Variants in IGF1R observed in about 807,000 individuals in gnomAD.
IGF1R encodes insulin like growth factor 1 receptor.
Under a neutral mutation model 144.6 loss-of-function variants are expected in IGF1R, and 44 were observed. The observed-to-expected ratio is 0.30, with a 90% CI of 0.24 to 0.39. The LOEUF is 0.39. IGF1R is among the 10% of genes least tolerant of loss of function. The pLI is 1.00. For missense variants in IGF1R, 1,355 were observed against 1,833.7 expected (o/e 0.74, Z 4.77); for synonymous variants, 795 against 722.8 (o/e 1.10, Z -1.60).
At chr15:98,656,221 GC>G (rs1241415612) in intron 1 of IGF1R, among the ~76,000 whole-genome samples, 1 of 152,172 alleles carries the variant, frequency 6.6e-6, no homozygotes, top group East Asian at 1.9e-4. Context: ...TGTGGATGGG[GC>G]CATCACACAC....
At chr15:98,840,375 A>T (rs1033457373) in intron 2 of IGF1R, among the ~76,000 whole-genome samples, 1 of 152,202 alleles carries the variant, frequency 6.6e-6, no homozygotes, top group African/African-American at 2.4e-5. Flanking sequence ...ATCTAAACCA[A>T]TGGGGAACGG....
chr15:98,851,833 C>T (rs1313481371), intron 2 of IGF1R, among the ~76,000 whole-genome samples: 4 of 152,322 alleles, frequency 2.6e-5, no homozygotes, highest in African/African-American at 9.6e-5. Flanking sequence ...AGCCTAATAT[C>T]ATCATGTTTC....
chr15:98,779,336 T>C (rs904425260), intron 2 of IGF1R, among the ~76,000 whole-genome samples: 3 of 152,260 alleles, frequency 2.0e-5, no homozygotes, highest in African/African-American at 4.8e-5. Flanking sequence ...GACTTCAGAT[T>C]TTCTCTGAAG....
At chr15:98,859,289 G>A (rs1169395237) in intron 2 of IGF1R, among the ~76,000 whole-genome samples, 2 of 152,176 alleles carry the variant, frequency 1.3e-5, no homozygotes, top group African/African-American at 4.8e-5. Flanking sequence ...TACCAACATT[G>A]TTTTACGGAA....
At chr15:98,715,481 A>C (rs2018860) in intron 2 of IGF1R, among the ~76,000 whole-genome samples, 12 of 151,868 alleles carry the variant, frequency 7.9e-5, no homozygotes, top group African/African-American at 2.7e-4. Context: ...TATTTGTACA[A>C]TTGTTCTGGT....
chr15:98,814,274 C>T (rs1414832013), intron 2 of IGF1R, among the ~76,000 whole-genome samples: 1 of 151,822 alleles, frequency 6.6e-6, no homozygotes, highest in Non-Finnish European at 1.5e-5. Context: ...TGGAGCAACA[C>T]TTACCAGGCA....
chr15:98,664,959 A>ATTT (rs376830930), intron 1 of IGF1R, among the ~76,000 whole-genome samples: 5 of 130,180 alleles, frequency 3.8e-5, no homozygotes, highest in African/African-American at 8.5e-5. Flanking sequence ...AACCAGCTTC[A>ATTT]TTTTTTTTTT....
intron 2 of IGF1R, among the ~76,000 whole-genome samples, chr15:98,726,883 C>A (rs888413723): frequency 4.6e-4 from 70 of 152,086 alleles, no homozygotes; most frequent in African/African-American, 1.3e-3. Flanking sequence ...CCATGCCCGG[C>A]TAATTTTTTG....
At chr15:98,789,492 C>G (rs1452014150) in intron 2 of IGF1R, among the ~76,000 whole-genome samples, 1 of 152,184 alleles carries the variant, frequency 6.6e-6, no homozygotes, top group Non-Finnish European at 1.5e-5. Flanking sequence ...CACCACCTCC[C>G]TGCCCCTGAC....
intron 2 of IGF1R, among the ~76,000 whole-genome samples, chr15:98,819,601 A>G (rs1195760109): frequency 6.6e-6 from 1 of 152,142 alleles, no homozygotes. Context: ...TTTAAAAGCT[A>G]CCTAGTTTAA....
chr15:98,830,143 A>G (rs2056973891), intron 2 of IGF1R, among the ~76,000 whole-genome samples: 1 of 152,168 alleles, frequency 6.6e-6, no homozygotes, highest in African/African-American at 2.4e-5. Context: ...CTTAAGCTTC[A>G]CTGCCTTAGA....
At position 98,960,735 on chromosome 15, in the gene IGF1R, C is replaced by T. The variant is rs1205144831; in HGVS notation, c.*3293C>T. 4.3e-6 allele frequency: 1 copy of T among 233,390 alleles called. No homozygotes were observed. Among genetic ancestry groups the T allele is most frequent in the Non-Finnish European group, 8.5e-6 (1 of 118,142 alleles). 14.5% of individuals were successfully genotyped at this position (233,390 alleles called of 1,614,324 possible). Reference sequence around the variant, plus strand: ...GCCTGTGCGCCAGAATGCAGAGGCTCCTGACCTCACAGCCAGTCCCTGATA... The same window carrying T: ...GCCTGTGCGCCAGAATGCAGAGGCTTCTGACCTCACAGCCAGTCCCTGATA... On this transcript the variant is annotated 3_prime_UTR_variant, in exon 21 of 21. Coordinates refer to ENST00000650285, the MANE Select transcript of IGF1R (RefSeq NM_000875.5).
intron 2 of IGF1R, among the ~76,000 whole-genome samples, chr15:98,853,153 G>T (rs575874349): frequency 1.3e-5 from 2 of 152,216 alleles, no homozygotes; most frequent in East Asian, 1.9e-4. Flanking sequence ...TTTATTCCAC[G>T]ATGGGTCTTG....
At chr15:98,945,718 C>T (rs898260410) in intron 19 of IGF1R, among the ~76,000 whole-genome samples, 11 of 152,024 alleles carry the variant, frequency 7.2e-5, no homozygotes, top group African/African-American at 2.4e-4. Flanking sequence ...GAGAAGTCTG[C>T]GGTACCTGAA....
At chr15:98,924,196 C>G (rs999180444) in intron 12 of IGF1R, among the ~76,000 whole-genome samples, 184 bp downstream of exon 12, 1 of 152,224 alleles carries the variant, frequency 6.6e-6, no homozygotes, top group African/African-American at 2.4e-5. Context: ...GCATAGTGTG[C>G]AAAGAGCTAG....
intron 1 of IGF1R, among the ~76,000 whole-genome samples, chr15:98,676,511 T>C (rs1418949031): frequency 6.6e-6 from 1 of 152,132 alleles, no homozygotes. Context: ...TCTTAAACAC[T>C]GTAGCTTCAT....
At chr15:98,823,841 C>G (rs930165551) in intron 2 of IGF1R, among the ~76,000 whole-genome samples, 3 of 151,970 alleles carry the variant, frequency 2.0e-5, no homozygotes, top group African/African-American at 7.3e-5. Flanking sequence ...TTTAAATAAA[C>G]AAAACAGCCA....
At chr15:98,817,643 A>T (rs1253831194) in intron 2 of IGF1R, among the ~76,000 whole-genome samples, 1 of 152,200 alleles carries the variant, frequency 6.6e-6, no homozygotes, top group African/African-American at 2.4e-5. Context: ...TGGAACTTGG[A>T]AGATGAGGGA....
At chr15:98,911,517 A>G (rs1255741560) in intron 7 of IGF1R, 76 bp downstream of exon 7, 1 of 1,596,700 alleles carries the variant, frequency 6.3e-7, no homozygotes, top group Non-Finnish European at 8.6e-7. Context: ...CGATCCTTGA[A>G]TGGGCTGGCT....
Sources: gnomAD v4.1 joint callset for allele counts (sites outside exome capture counted in the v4.1 genomes callset) on GRCh38, gnomAD v4.1.1 for gene constraint, MANE v1.5 for transcripts, NCBI Gene and HGNC (gene_info 2026-07-23, HGNC 2026-07-21) for gene names.